Variants in GDPD5 observed in about 807,000 individuals in gnomAD.
The protein encoded by GDPD5 is glycerophosphodiester phosphodiesterase domain containing 5, also known as glycerophosphodiester phosphodiesterase 2.
GDPD5 carries 48 observed loss-of-function variants against 75.1 expected under a neutral mutation model. The ratio of observed to expected loss-of-function variants is 0.64; its 90% CI spans 0.51 to 0.81. GDPD5 has a LOEUF of 0.81. Among genes scored for constraint, GDPD5 ranks in the 40% least tolerant of loss-of-function variants. The pLI, the probability that GDPD5 is intolerant of heterozygous loss-of-function variation, is 0.00. For missense variants in GDPD5, 706 were observed against 822.6 expected, an observed-to-expected ratio of 0.86 and a Z score of 1.73; for synonymous variants, 336 against 339.0, an observed-to-expected ratio of 0.99 and a Z score of 0.10.
At chr11:75,454,097 TA>T (rs1949234009) in intron 6 of GDPD5, among the ~76,000 whole-genome samples, 1 of 152,110 alleles carries the variant, frequency 6.6e-6, no homozygotes, top group African/African-American at 2.4e-5. Context: ...AATGACAAAC[TA>T]GGAAGAATTA....
chr11:75,498,149 C>T (rs1346215518), intron 1 of GDPD5, among the ~76,000 whole-genome samples: 1 of 152,132 alleles, frequency 6.6e-6, no homozygotes, highest in East Asian at 1.9e-4. Context: ...TCATGGGTAA[C>T]ATCTCTTGTG....
At position 75,456,586 on chromosome 11, in the gene GDPD5, C is replaced by T. The variant is rs577522293; in HGVS notation, c.375+171G>A. The T allele has an allele frequency of 4.5e-4, 284 of 626,922 alleles. 1 individual carries two copies. The South Asian group carries it at 4.8e-3, about 11-fold the overall frequency. 38.8% of individuals were successfully genotyped at this position (626,922 alleles called of 1,614,324 possible). A position where few individuals can be genotyped will look rare whatever the true frequency, so the allele number is the denominator to read the frequency against. ...GCTGTAAGGGTTAAGTGAATGAAGA[C>T]GGGTGAGGTTGTGAGAAAAGTGCTT... On this transcript the variant is annotated intron_variant, in intron 6 of 16. Coordinates refer to ENST00000336898, the MANE Select transcript of GDPD5 (RefSeq NM_030792.8).
intron 3 of GDPD5, among the ~76,000 whole-genome samples, chr11:75,477,204 G>A (rs1003102523): frequency 1.2e-4 from 18 of 152,262 alleles, no homozygotes; most frequent in African/African-American, 3.4e-4. Context: ...ACTGAGCCCC[G>A]GTGCCAGACC....
At chr11:75,457,924 A>C in intron 4 of GDPD5, 138 bp from the exon 5 acceptor site, 1 of 627,552 alleles carries the variant, frequency 1.6e-6, no homozygotes, top group Non-Finnish European at 2.8e-6. Context: ...AATAAGGCTC[A>C]GCGTCTGCCT....
At position 75,441,745 on chromosome 11, in the gene GDPD5, T is replaced by G. The variant is rs935833792; in HGVS notation, c.1226A>C (p.Gln409Pro). ...PLVRKVAPGF[Q>P]QTSGSKEAVA... ...TGCCTCCTTGGAGCCTGATGTCTGTTGGAAGCCGGGAGCCACCTTCCGCAC... is the reference window on the plus strand; with the variant it reads ...TGCCTCCTTGGAGCCTGATGTCTGTGGGAAGCCGGGAGCCACCTTCCGCAC... The change falls in exon 13 of 17, where the codon CAA becomes CCA. Residue 409 changes from glutamine (Q) to proline (P), a missense_variant. Gln to Pro is a moderately conservative substitution (Grantham distance 76). Coordinates refer to ENST00000336898, the MANE Select transcript of GDPD5 (RefSeq NM_030792.8). 3.1e-6 allele frequency: 5 copies of G among 1,611,718 alleles called. No individual in the cohort carries two copies. The highest frequency in any genetic ancestry group is 4.2e-6 in the Non-Finnish European group (5 of 1,179,936).
At chr11:75,473,282 T>C (rs1467049387) in intron 3 of GDPD5, among the ~76,000 whole-genome samples, 1 of 152,040 alleles carries the variant, frequency 6.6e-6, no homozygotes, top group Non-Finnish European at 1.5e-5. Flanking sequence ...GTGCTATTCC[T>C]GGACTCTACT....
chr11:75,477,743 C>A lies in GDPD5; in HGVS notation c.-8G>T. On this transcript the variant is annotated 5_prime_UTR_variant, in exon 3 of 17. Transcript: ENST00000336898. ...GGGCTGGTGTCTCACCATACTCGTGCCCACGGCCCTGGCGCCTGGCCCTCA... is the reference window on the plus strand; with the variant it reads ...GGGCTGGTGTCTCACCATACTCGTGACCACGGCCCTGGCGCCTGGCCCTCA... 1 of 1,548,816 alleles carries A rather than the reference C, an allele frequency of 6.5e-7. No homozygotes were observed.
At chr11:75,477,361 T>C (rs544032860) in intron 3 of GDPD5, among the ~76,000 whole-genome samples, 1 of 152,348 alleles carries the variant, frequency 6.6e-6, no homozygotes, top group East Asian at 1.9e-4. Flanking sequence ...GACCCTTCCC[T>C]TCTAGAGGAG....
At chr11:75,498,848 C>T (rs2135444976) in intron 1 of GDPD5, among the ~76,000 whole-genome samples, 1 of 34,224 alleles carries the variant, frequency 2.9e-5, no homozygotes, top group Admixed American at 4.3e-4. Flanking sequence ...TTACATGAGT[C>T]TGTTGACTCA....
Position 75,477,641 on chromosome 11 carries a change from C to T in GDPD5, c.95G>A (p.Arg32His), listed in dbSNP as rs1251690068. 6 of 1,595,984 alleles carry T rather than the reference C, an allele frequency of 3.8e-6. No individual in the cohort carries two copies. The highest frequency in any genetic ancestry group is 4.5e-5 in the East Asian group (2 of 44,270). ...CACCGGTGTGGTATCATCATGGGAG[C>T]GCTGGTAGCGCTTCCAACGGCAGCC... is the stretch of plus-strand genomic sequence containing the variant. ...IYGCRWKRYQ[R>H]SHDDTTPWER... The change falls in exon 3 of 17, where the codon CGC becomes CAC. Residue 32 changes from arginine (R) to histidine (H), a missense_variant. Transcript: ENST00000336898.
At chr11:75,507,917 G>C (rs532879507) in intron 1 of GDPD5, among the ~76,000 whole-genome samples, 2 of 151,918 alleles carry the variant, frequency 1.3e-5, no homozygotes, top group African/African-American at 4.8e-5. Context: ...CCGCACTCTG[G>C]GCCATCATCC....
chr11:75,509,157 C>T (rs536711805), intron 1 of GDPD5, among the ~76,000 whole-genome samples: 1 of 152,316 alleles, frequency 6.6e-6, no homozygotes, highest in South Asian at 2.1e-4. Context: ...TAGACCCAGA[C>T]TGTAAACAGG....
At chr11:75,459,959 C>A (rs181512788) in intron 4 of GDPD5, among the ~76,000 whole-genome samples, 1 of 152,202 alleles carries the variant, frequency 6.6e-6, no homozygotes, top group Non-Finnish European at 1.5e-5. Flanking sequence ...CCTTGCCAGA[C>A]AGCTGGGAAG....
rs1949079712 is a variant in GDPD5 at position 75,449,554 on chromosome 11, C to T, written c.531G>A (p.Trp177Ter). The T allele has an allele frequency of 1.3e-6, 2 of 1,588,882 alleles. No homozygotes were observed. Among genetic ancestry groups the T allele is most frequent in the Admixed American group, 1.8e-5 (1 of 55,810 alleles). Residue 177 changes from tryptophan to a stop codon, truncating the protein, a stop_gained, in exon 8 of 17, where the codon TGG (tryptophan) becomes TGA (stop). Transcript: ENST00000336898. LOFTEE classifies it high-confidence loss of function. ...GAVAAVTMLS[W>*]IVAGQFARAE... ...CGCGGGCGAACTGTCCTGCCACGAT[C>T]CAGGAGAGCATGGTGACTGCTGCCA...
At position 75,441,208 on chromosome 11, in the gene GDPD5, G is replaced by A. The variant is rs1948789748; in HGVS notation, c.1428C>T (p.Asp476=). The change falls in exon 14 of 17, where the codon GAC becomes GAT. Residue 476 remains aspartate (D), a synonymous_variant. Transcript: ENST00000336898. ...GCACCTGGGACAGGGCGTGGGAGTT[G>A]TCAGAGGTGACGGATGGGACCCCCG... ...WCAGVPSVTS[D]NSHALSQVPS... The A allele has an allele frequency of 6.2e-7, 1 of 1,613,936 alleles. No individual in the cohort carries two copies. The highest frequency in any genetic ancestry group is 1.7e-5 in the Admixed American group (1 of 60,014).
At chr11:75,474,088 T>TG (rs1213690687) in intron 3 of GDPD5, among the ~76,000 whole-genome samples, 2 of 152,228 alleles carry the variant, frequency 1.3e-5, no homozygotes, top group Non-Finnish European at 2.9e-5. Context: ...GGCACAGGCC[T>TG]GGGGGTGTGA....
chr11:75,498,942 C>T (rs1950258227), intron 1 of GDPD5, among the ~76,000 whole-genome samples: 1 of 152,190 alleles, frequency 6.6e-6, no homozygotes, highest in South Asian at 2.1e-4. Context: ...CTCTGGAAGA[C>T]AAAGCCAAAG....
chr11:75,500,502 C>A (rs1214857597), intron 1 of GDPD5, among the ~76,000 whole-genome samples: 3 of 152,164 alleles, frequency 2.0e-5, no homozygotes, highest in Non-Finnish European at 2.9e-5. Flanking sequence ...TTCGCTGGAT[C>A]CTCTCTGCCC....
intron 1 of GDPD5, among the ~76,000 whole-genome samples, chr11:75,510,901 G>A (rs1024900755): frequency 8.5e-5 from 13 of 152,230 alleles, no homozygotes; most frequent in African/African-American, 2.7e-4. Context: ...CCGCTGAATT[G>A]AGTAAATGTG....
Sources: gnomAD v4.1 joint callset for allele counts (sites outside exome capture counted in the v4.1 genomes callset) on GRCh38, gnomAD v4.1.1 for gene constraint, MANE v1.5 for transcripts, NCBI Gene and HGNC (gene_info 2026-07-23, HGNC 2026-07-21) for gene names.